CHST15: variants seen among roughly 807,000 people sequenced by gnomAD.
CHST15 encodes B cell RAG associated protein (GALNAC4S-6ST).
A neutral mutation model predicts 53.6 loss-of-function variants in CHST15; 30 were observed. That is an observed-to-expected ratio of 0.56 (90% CI 0.42 to 0.76). The LOEUF (loss-of-function observed/expected upper bound fraction) is 0.76, where lower values mean the gene tolerates loss of function less well. Among genes scored for constraint, CHST15 ranks in the 30% least tolerant of loss-of-function variants. The pLI is 0.00. For missense variants in CHST15, 627 were observed against 740.5 expected (o/e 0.85, Z 1.78); for synonymous variants, 296 against 289.8 (o/e 1.02, Z -0.22).
intron 1 of CHST15, among the ~76,000 whole-genome samples, chr10:124,052,660 C>T (rs971301139): frequency 9.9e-5 from 15 of 152,160 alleles, no homozygotes; most frequent in African/African-American, 2.7e-4. Context: ...TCTTTGGATA[C>T]GACTTAGGAA....
intron 1 of CHST15, among the ~76,000 whole-genome samples, chr10:124,065,121 T>A (rs1948715532): frequency 6.6e-6 from 1 of 152,184 alleles, no homozygotes; most frequent in Non-Finnish European, 1.5e-5. Flanking sequence ...CGGTGGCTCT[T>A]GCCTGTAATT....
chr10:124,035,192 C>T (rs1184935896), intron 5 of CHST15, among the ~76,000 whole-genome samples: 1 of 144,106 alleles, frequency 6.9e-6, no homozygotes, highest in African/African-American at 2.8e-5. Flanking sequence ...CCTGGTTCCA[C>T]CCCTAACGGG....
intron 1 of CHST15, among the ~76,000 whole-genome samples, chr10:124,062,084 C>T (rs565392194): frequency 4.7e-4 from 71 of 151,566 alleles, no homozygotes; most frequent in Non-Finnish European, 8.5e-4. Context: ...CCGGGAAGGA[C>T]ATTTTCCCTT....
intron 6 of CHST15, chr10:124,020,290 T>A (rs897197644): frequency 6.1e-6 from 6 of 985,228 alleles, no homozygotes; most frequent in Non-Finnish European, 7.2e-6. Context: ...AGCCAGCAAA[T>A]GGCCAAGCTG....
chr10:124,014,028 C>T (rs546861147), intron 6 of CHST15, among the ~76,000 whole-genome samples: 34 of 152,382 alleles, frequency 2.2e-4, no homozygotes, highest in African/African-American at 8.2e-4. Context: ...TGCTTAAAGC[C>T]TCCATGGCTT....
intron 1 of CHST15, among the ~76,000 whole-genome samples, chr10:124,055,181 T>C (rs1424151098): frequency 1.3e-5 from 2 of 152,244 alleles, no homozygotes; most frequent in Admixed American, 6.5e-5. Context: ...GATTGTTCTT[T>C]GTCTAAAAGG....
intron 1 of CHST15, among the ~76,000 whole-genome samples, chr10:124,070,524 G>A (rs1034423441): frequency 6.6e-6 from 1 of 152,040 alleles, no homozygotes; most frequent in Non-Finnish European, 1.5e-5. Flanking sequence ...GACTAAAGGT[G>A]CACACCACCA....
At chr10:124,090,075 G>T (rs1949561222) in intron 1 of CHST15, among the ~76,000 whole-genome samples, 1 of 152,170 alleles carries the variant, frequency 6.6e-6, no homozygotes, top group Non-Finnish European at 1.5e-5. Flanking sequence ...TAGTCCCTGG[G>T]CCCACAATGG....
intron 1 of CHST15, among the ~76,000 whole-genome samples, chr10:124,067,503 GC>G (rs1948784040): frequency 6.6e-6 from 1 of 152,258 alleles, no homozygotes. Context: ...TGACTTTCAA[GC>G]CTGATAAACA....
At chr10:124,017,159 A>G (rs1292090427) in intron 6 of CHST15, among the ~76,000 whole-genome samples, 1 of 152,194 alleles carries the variant, frequency 6.6e-6, no homozygotes, top group African/African-American at 2.4e-5. Flanking sequence ...CTATTAAAAT[A>G]AACTGTGCCT....
chr10:124,011,468 G>A, intron 7 of CHST15: 1 of 985,466 alleles, frequency 1.0e-6, no homozygotes, highest in Non-Finnish European at 1.2e-6. Flanking sequence ...AAGTCCCAGT[G>A]GCAGGCAGAT....
At chr10:124,032,073 CA>C (rs1590218321) in intron 5 of CHST15, among the ~76,000 whole-genome samples, 1 of 152,304 alleles carries the variant, frequency 6.6e-6, no homozygotes, top group East Asian at 1.9e-4. Flanking sequence ...CTGCCTATAA[CA>C]GAATCCATTT....
chr10:124,076,532 C>CG (rs1385819091), intron 1 of CHST15, among the ~76,000 whole-genome samples: 1 of 152,152 alleles, frequency 6.6e-6, no homozygotes, highest in Non-Finnish European at 1.5e-5. Flanking sequence ...CCCGTGCCCC[C>CG]GGGGAGTTCA....
chr10:124,043,083 T>C (rs1947802942), intron 3 of CHST15, among the ~76,000 whole-genome samples: 1 of 152,120 alleles, frequency 6.6e-6, no homozygotes, highest in Non-Finnish European at 1.5e-5. Context: ...GAAAAATAAA[T>C]AAATTTCACT....
At chr10:124,060,617 T>C (rs867226693) in intron 1 of CHST15, among the ~76,000 whole-genome samples, 7 of 151,852 alleles carry the variant, frequency 4.6e-5, no homozygotes, top group Non-Finnish European at 7.4e-5. Flanking sequence ...CATGTGGGCA[T>C]GTGGAGGTGT....
At chr10:124,039,316 G>A (rs966622270) in intron 4 of CHST15, among the ~76,000 whole-genome samples, 32 of 152,244 alleles carry the variant, frequency 2.1e-4, no homozygotes, top group Admixed American at 1.6e-3. Context: ...GGGAGGAGCC[G>A]AGAACTGGTC....
At position 124,076,309 on chromosome 10, in the gene CHST15, C is replaced by A. The variant is rs140253608; in HGVS notation, c.-513+17160G>T. Among the ~76,000 whole-genome samples, 529 of 152,326 alleles carry A rather than the reference C, an allele frequency of 3.5e-3. 8 individuals are homozygous for A. Among genetic ancestry groups the A allele is most frequent in the African/African-American group, 0.012 (505 of 41,570 alleles). On this transcript the variant is annotated intron_variant, in intron 1 of 7. Coordinates refer to ENST00000435907, the MANE Select transcript of CHST15 (RefSeq NM_001270764.2). ...GTGAGTTTCATTAGAGAATGTTGGT[C>A]CTTGTCCCTGTCTGTTCTGAAGAGC...
At chr10:124,027,950 G>T (rs1947075733) in intron 5 of CHST15, among the ~76,000 whole-genome samples, 2 of 152,228 alleles carry the variant, frequency 1.3e-5, no homozygotes, top group Admixed American at 1.3e-4. Context: ...TGCACTGATA[G>T]TTTTCGGGTT....
intron 5 of CHST15, among the ~76,000 whole-genome samples, chr10:124,034,356 G>A (rs1947339691): frequency 6.6e-6 from 1 of 152,262 alleles, no homozygotes; most frequent in South Asian, 2.1e-4. Flanking sequence ...GGCAGACTCA[G>A]GCTGGGGTAA....
Sources: gnomAD v4.1 joint callset for allele counts (sites outside exome capture counted in the v4.1 genomes callset) on GRCh38, gnomAD v4.1.1 for gene constraint, MANE v1.5 for transcripts, NCBI Gene and HGNC (gene_info 2026-07-23, HGNC 2026-07-21) for gene names.